Variants in SMCHD1 observed in about 807,000 individuals in gnomAD.
SMCHD1 encodes the protein structural maintenance of chromosomes flexible hinge domain containing 1.
In SMCHD1, 78 loss-of-function variants were observed where a neutral mutation model predicts 254.7. The ratio of observed to expected loss-of-function variants is 0.31; its 90% CI spans 0.26 to 0.37. SMCHD1 has a LOEUF of 0.37. SMCHD1 is among the 10% of genes least tolerant of loss of function. The pLI, the probability that SMCHD1 is intolerant of heterozygous loss-of-function variation, is 1.00. For synonymous variants in SMCHD1, 766 were observed against 794.9 expected, an observed-to-expected ratio of 0.96 and a Z score of 0.61; for missense variants, 1,840 against 2,408.1, an observed-to-expected ratio of 0.76 and a Z score of 4.94.
intron 15 of SMCHD1, among the ~76,000 whole-genome samples, chr18:2,706,731 A>T (rs936117094): frequency 3.4e-4 from 51 of 152,100 alleles, no homozygotes; most frequent in African/African-American, 1.1e-3. Context: ...AACATGTTTT[A>T]AAAAAACTCA....
chr18:2,662,903 ATTAC>A (rs1380935427), intron 1 of SMCHD1, among the ~76,000 whole-genome samples: 2 of 152,200 alleles, frequency 1.3e-5, no homozygotes, highest in Non-Finnish European at 2.9e-5. Context: ...TGCCAAATTA[ATTAC>A]TTTCTTTATG....
At chr18:2,755,567 T>TTC (rs1455655200) in intron 34 of SMCHD1, among the ~76,000 whole-genome samples, 1 of 109,966 alleles carries the variant, frequency 9.1e-6, no homozygotes, top group South Asian at 2.9e-4. Context: ...CTTTCTTTCT[T>TTC]TTTTTTTTTT....
Position 2,743,766 on chromosome 18 carries a change from C to T in SMCHD1, c.3639C>T (p.Asn1213=), listed in dbSNP as rs780740818. ...AATGTACTTTTCCTCACTAGGAAAA[C>T]ACACAGAGTATAAGTGTAAGAGGCA... ...SSNLKTTFQE[N]TQSISVRGIK... is the part of the protein sequence containing the mutation. The change falls in exon 29 of 48, where the codon AAC becomes AAT. Residue 1213 remains asparagine, a synonymous_variant. Transcript: ENST00000320876. 2 of 1,596,476 alleles carry T rather than the reference C, an allele frequency of 1.3e-6. No individual in the cohort carries two copies. The highest frequency in any genetic ancestry group is 1.7e-6 in the Non-Finnish European group (2 of 1,170,470).
intron 34 of SMCHD1, among the ~76,000 whole-genome samples, chr18:2,753,343 T>C (rs549077313): frequency 6.6e-6 from 1 of 152,366 alleles, no homozygotes; most frequent in South Asian, 2.1e-4. Flanking sequence ...GTCCATTGTG[T>C]GAACACACTA....
Position 2,760,632 on chromosome 18 carries a change from T to A in SMCHD1, c.4347-20T>A. ...TTTATACAAACATTGTCAGTAATCT[T>A]AACTTTCTTTTAAATTTAGGGATAA... is the stretch of plus-strand genomic sequence containing the variant. On this transcript the variant is annotated intron_variant, in intron 34 of 47. Transcript: ENST00000320876. The A allele has an allele frequency of 7.5e-7, 1 of 1,338,194 alleles. No individual in the cohort carries two copies. Among genetic ancestry groups the A allele is most frequent in the Non-Finnish European group, 1.1e-6 (1 of 930,590 alleles). 82.9% of individuals were successfully genotyped at this position (1,338,194 alleles called of 1,614,324 possible). A position where few individuals can be genotyped will look rare whatever the true frequency, so the allele number is the denominator to read the frequency against.
chr18:2,685,049 C>T (rs1011653959), intron 5 of SMCHD1, among the ~76,000 whole-genome samples: 43 of 150,030 alleles, frequency 2.9e-4, no homozygotes, highest in South Asian at 6.3e-4. Context: ...AAACTATACA[C>T]GTCTGCCCTG....
chr18:2,729,960 C>T (rs897074014), intron 24 of SMCHD1, among the ~76,000 whole-genome samples: 13 of 152,256 alleles, frequency 8.5e-5, no homozygotes, highest in Middle Eastern at 6.8e-3. Flanking sequence ...GCAGTCTTCC[C>T]ACCTTGGCCA....
At chr18:2,742,913 A>T (rs2075378853) in intron 28 of SMCHD1, among the ~76,000 whole-genome samples, 1 of 152,100 alleles carries the variant, frequency 6.6e-6, no homozygotes, top group African/African-American at 2.4e-5. Context: ...GGCTCAAGGG[A>T]TCCTTCCACC....
intron 17 of SMCHD1, among the ~76,000 whole-genome samples, chr18:2,717,677 A>C (rs1194767457): frequency 6.6e-6 from 1 of 152,104 alleles, no homozygotes. Flanking sequence ...GTGTGAATGC[A>C]CTATTGTACT....
intron 1 of SMCHD1, among the ~76,000 whole-genome samples, chr18:2,665,016 AT>A (rs773843114): frequency 3.2e-4 from 49 of 152,148 alleles, no homozygotes; most frequent in African/African-American, 1.2e-3. Context: ...ACTAGTCTAG[AT>A]TTTTTAGATG....
chr18:2,714,089 G>C (rs1482445925), intron 17 of SMCHD1, among the ~76,000 whole-genome samples: 1 of 152,208 alleles, frequency 6.6e-6, no homozygotes, highest in East Asian at 1.9e-4. Flanking sequence ...AGTGCTATCA[G>C]TAGGGTGTTG....
chr18:2,691,251 CTG>C (rs957685384), intron 7 of SMCHD1, among the ~76,000 whole-genome samples: 5 of 152,158 alleles, frequency 3.3e-5, no homozygotes, highest in South Asian at 2.1e-4. Flanking sequence ...GTTTTCAAAA[CTG>C]TGTGCATATT....
chr18:2,693,025 G>A (rs1242218042), intron 7 of SMCHD1, among the ~76,000 whole-genome samples: 1 of 152,184 alleles, frequency 6.6e-6, no homozygotes, highest in Non-Finnish European at 1.5e-5. Context: ...AGCAATTAGT[G>A]TATAGAGATG....
intron 7 of SMCHD1, among the ~76,000 whole-genome samples, chr18:2,692,592 T>G (rs1455165460): frequency 6.6e-6 from 1 of 152,226 alleles, no homozygotes; most frequent in Non-Finnish European, 1.5e-5. Flanking sequence ...TCCACTGCTC[T>G]AATTCAGCCA....
chr18:2,736,953 A>T (rs2075263220), intron 25 of SMCHD1, among the ~76,000 whole-genome samples: 3 of 152,220 alleles, frequency 2.0e-5, no homozygotes, highest in Admixed American at 1.3e-4. Context: ...TTTTCTGTTT[A>T]TCTCAGCACT....
chr18:2,766,094 C>T (rs1022297684), intron 37 of SMCHD1, among the ~76,000 whole-genome samples: 4 of 151,600 alleles, frequency 2.6e-5, no homozygotes, highest in East Asian at 3.9e-4. Flanking sequence ...CCCGGGTTCA[C>T]GCCATTCTCC....
At chr18:2,666,802 T>A in intron 2 of SMCHD1, 68 bp from the exon 3 acceptor site, 2 of 1,270,658 alleles carry the variant, frequency 1.6e-6, no homozygotes, top group Non-Finnish European at 2.2e-6. Flanking sequence ...ATTTGTATAT[T>A]CACAATTATA....
chr18:2,750,249 T>A, intron 31 of SMCHD1, 101 bp from the exon 32 acceptor site: 1 of 1,407,792 alleles, frequency 7.1e-7, no homozygotes, highest in Admixed American at 2.4e-5. Flanking sequence ...GAATAGAAGT[T>A]GAGAGGTTTT....
At position 2,694,638 on chromosome 18, in the gene SMCHD1, C is replaced by A. The variant is rs145233420; in HGVS notation, c.985C>A (p.Pro329Thr). The change falls in exon 8 of 48, where the codon CCA becomes ACA. Residue 329 changes from proline to threonine, a missense_variant. By Grantham distance (38) the Pro-to-Thr change is conservative. This residue lies in a region of SMCHD1 where 498 missense variants were observed against 743.5 expected (regional missense o/e 0.67). Coordinates refer to ENST00000320876, the MANE Select transcript of SMCHD1 (RefSeq NM_015295.3). ...FTAVVITGVQ[P>T]EHIQYLKNYF... ...TGCTGTGGTTATCACAGGGGTACAA[C>A]CAGAACACATACAGTACTTGAAAAA... 2.0e-4 allele frequency: 321 copies of A among 1,613,326 alleles called. 1 individual carries two copies. In the African/African-American group the frequency reaches 3.8e-3, roughly 19 times the overall value.
Sources: allele counts gnomAD v4.1 joint callset (sites outside exome capture counted in the v4.1 genomes callset), GRCh38; gene constraint gnomAD v4.1.1; regional missense constraint gnomAD v4.1.1; transcripts MANE v1.5; gene names NCBI Gene and HGNC (gene_info 2026-07-23, HGNC 2026-07-21).